SCN10A: variants seen among roughly 807,000 people sequenced by gnomAD.
SCN10A encodes sodium voltage-gated channel alpha subunit 10, also known as sodium channel protein type 10 subunit alpha.
In SCN10A, 162 loss-of-function variants were observed where a neutral mutation model predicts 170.7. The observed-to-expected ratio is 0.95, with a 90% CI of 0.84 to 1.08. The LOEUF is 1.08. SCN10A is among the 50% of genes least tolerant of loss of function. The pLI is 0.00. For synonymous variants in SCN10A, 985 were observed against 904.6 expected (o/e 1.09, Z -1.59); for missense variants, 2,527 against 2,436.9 (o/e 1.04, Z -0.78).
At chr3:38,753,089 T>C (rs2063767129) in intron 11 of SCN10A, among the ~76,000 whole-genome samples, 3 of 152,204 alleles carry the variant, frequency 2.0e-5, no homozygotes, top group African/African-American at 4.8e-5. Context: ...CCTCGAGGCT[T>C]GAACAGTCAA....
At chr3:38,799,453 C>T (rs2064358942) in intron 1 of SCN10A, among the ~76,000 whole-genome samples, 2 of 152,168 alleles carry the variant, frequency 1.3e-5, no homozygotes, top group African/African-American at 4.8e-5. Flanking sequence ...CTTTGTAATA[C>T]ATTTGTTGAA....
intron 11 of SCN10A, among the ~76,000 whole-genome samples, chr3:38,753,170 A>G (rs1413654713): frequency 6.6e-6 from 1 of 152,212 alleles, no homozygotes; most frequent in Non-Finnish European, 1.5e-5. Context: ...CCAAATCAAT[A>G]AACATTTCCC....
chr3:38,709,082 A>T (rs2063242608), intron 25 of SCN10A, among the ~76,000 whole-genome samples: 1 of 152,172 alleles, frequency 6.6e-6, no homozygotes, highest in Non-Finnish European at 1.5e-5. Context: ...GGATTCTGCC[A>T]GTGCTGGGCC....
chr3:38,768,881 A>G (rs1380716877), intron 5 of SCN10A, among the ~76,000 whole-genome samples: 1 of 152,182 alleles, frequency 6.6e-6, no homozygotes, highest in African/African-American at 2.4e-5. Flanking sequence ...TTCCTTGGGA[A>G]CACCCATTAT....
At chr3:38,711,100 G>T (rs867156227) in intron 23 of SCN10A, among the ~76,000 whole-genome samples, 2 of 152,212 alleles carry the variant, frequency 1.3e-5, no homozygotes, top group Non-Finnish European at 2.9e-5. Context: ...GGCTGTTTAA[G>T]AATAGAGTAG....
chr3:38,767,291 T>A (rs1354264763), intron 5 of SCN10A, among the ~76,000 whole-genome samples: 2 of 151,628 alleles, frequency 1.3e-5, no homozygotes, highest in African/African-American at 4.8e-5. Flanking sequence ...TTGGGTCTGT[T>A]TTGTTCTTGT....
intron 19 of SCN10A, 21 bp from the exon 20 acceptor site, chr3:38,722,433 T>C (rs370757130): frequency 1.4e-5 from 22 of 1,610,436 alleles, no homozygotes; most frequent in Middle Eastern, 1.7e-4. Context: ...AGGTGACTGA[T>C]GGTGGGTGAT....
chr3:38,719,870 C>T (rs1287293347), intron 20 of SCN10A, among the ~76,000 whole-genome samples: 2 of 152,246 alleles, frequency 1.3e-5, no homozygotes, highest in Non-Finnish European at 1.5e-5. Context: ...TGCCCCTATC[C>T]TTCATCTGCT....
intron 21 of SCN10A, among the ~76,000 whole-genome samples, chr3:38,715,892 C>T (rs1476334750): frequency 2.6e-5 from 4 of 152,066 alleles, no homozygotes; most frequent in African/African-American, 9.7e-5. Flanking sequence ...TAAGACAATC[C>T]TGTATTCAAT....
At chr3:38,796,147 T>A (rs1405781483) in intron 1 of SCN10A, among the ~76,000 whole-genome samples, 4 of 152,124 alleles carry the variant, frequency 2.6e-5, no homozygotes, top group Non-Finnish European at 5.9e-5. Context: ...ACTAAACTCA[T>A]AATTATCTCC....
chr3:38,809,045 T>C (rs780096516), intron 1 of SCN10A, among the ~76,000 whole-genome samples: 9 of 152,220 alleles, frequency 5.9e-5, no homozygotes, highest in South Asian at 2.1e-4. Context: ...TGGTGCTTTA[T>C]GAACCTGGAA....
chr3:38,710,698 A>G (rs981365571), intron 24 of SCN10A, 146 bp downstream of exon 24: 4 of 722,372 alleles, frequency 5.5e-6, no homozygotes, highest in Non-Finnish European at 9.5e-6. Flanking sequence ...AGCCAGCTGG[A>G]CACTGCTGCA....
At chr3:38,746,063 G>GTATGTA (rs1553619551) in intron 13 of SCN10A, among the ~76,000 whole-genome samples, 2 of 61,626 alleles carry the variant, frequency 3.2e-5, no homozygotes, top group Non-Finnish European at 6.9e-5. Context: ...GTGTGTATGT[G>GTATGTA]TATATATATA....
chr3:38,757,360 G>A (rs542830028), intron 8 of SCN10A, among the ~76,000 whole-genome samples: 12 of 152,296 alleles, frequency 7.9e-5, no homozygotes, highest in African/African-American at 2.9e-4. Context: ...ATACTTTCAC[G>A]TCAGAATTTC....
At chr3:38,708,641 A>G (rs981000413) in intron 25 of SCN10A, among the ~76,000 whole-genome samples, 1 of 152,190 alleles carries the variant, frequency 6.6e-6, no homozygotes, top group African/African-American at 2.4e-5. Context: ...CTGCACCACC[A>G]AAGTTGTCTT....
At chr3:38,811,943 G>A (rs1302842236) in intron 1 of SCN10A, among the ~76,000 whole-genome samples, 1 of 152,082 alleles carries the variant, frequency 6.6e-6, no homozygotes, top group East Asian at 1.9e-4. Context: ...AGGATGTCCC[G>A]AGCCCCCTGC....
intron 18 of SCN10A, 40 bp from the exon 19 acceptor site, chr3:38,723,593 G>T (rs915725584): frequency 2.6e-6 from 4 of 1,551,800 alleles, no homozygotes; most frequent in Non-Finnish European, 3.5e-6. Flanking sequence ...TCGTCTCTCC[G>T]CGGGGCCCGG....
Position 38,697,192 on chromosome 3 carries a change from A to G in SCN10A, c.*157T>C, listed in dbSNP as rs2063097653. The G allele has an allele frequency of 8.6e-7, 1 of 1,168,340 alleles. No homozygotes were observed. The highest frequency in any genetic ancestry group is 2.8e-5 in the Admixed American group (1 of 36,322). The allele number at this position is 1,168,340 out of a possible 1,614,324, so 72.4% of individuals were successfully genotyped here. On this transcript the variant is annotated 3_prime_UTR_variant, in exon 28 of 28. Transcript: ENST00000449082. ...TATTTGTGTATGATGGTTTTTTCAA[A>G]GGTGGTTACCAGTTGCATTCCCTGC... is the stretch of plus-strand genomic sequence containing the variant.
intron 4 of SCN10A, among the ~76,000 whole-genome samples, chr3:38,779,209 T>C (rs1305600575): frequency 6.6e-6 from 1 of 152,124 alleles, no homozygotes; most frequent in African/African-American, 2.4e-5. Context: ...TAAATGTGAA[T>C]GTCTATCAAT....
Sources: allele counts gnomAD v4.1 joint callset (sites outside exome capture counted in the v4.1 genomes callset), GRCh38; gene constraint gnomAD v4.1.1; transcripts MANE v1.5; gene names NCBI Gene and HGNC (gene_info 2026-07-23, HGNC 2026-07-21).